SPINK5: variants seen among roughly 807,000 people sequenced by gnomAD.
SPINK5 encodes the protein serine peptidase inhibitor Kazal type 5.
A neutral mutation model predicts 151.8 loss-of-function variants in SPINK5; 125 were observed. The observed-to-expected ratio is 0.82, with a 90% CI of 0.71 to 0.96. SPINK5 has a LOEUF of 0.96. Among genes scored for constraint, SPINK5 ranks in the 40% least tolerant of loss-of-function variants. SPINK5 has a pLI of 0.00. For synonymous variants in SPINK5, 374 were observed against 395.3 expected, an observed-to-expected ratio of 0.95 and a Z score of 0.64; for missense variants, 1,194 against 1,291.9, an observed-to-expected ratio of 0.92 and a Z score of 1.16.
At chr5:148,094,641 C>G (rs1027818761) in intron 9 of SPINK5, among the ~76,000 whole-genome samples, 160 bp downstream of exon 9, 1 of 151,948 alleles carries the variant, frequency 6.6e-6, no homozygotes, top group Admixed American at 6.6e-5. Context: ...AGTGAGCAGG[C>G]ACTACTGATG....
chr5:148,077,921 A>G (rs1019655472), intron 4 of SPINK5, among the ~76,000 whole-genome samples: 2 of 151,182 alleles, frequency 1.3e-5, no homozygotes, highest in African/African-American at 4.8e-5. Flanking sequence ...ACAAAAGCAT[A>G]TTGAAAACAA....
At chr5:148,069,309 T>C (rs1752673046) in intron 2 of SPINK5, among the ~76,000 whole-genome samples, 1 of 151,932 alleles carries the variant, frequency 6.6e-6, no homozygotes, top group Non-Finnish European at 1.5e-5. Flanking sequence ...TTGAAGATCA[T>C]TCTACTTTCC....
Position 148,086,565 on chromosome 5 carries a change from A to G in SPINK5, c.410+33A>G, listed in dbSNP as rs753467836. On this transcript the variant is annotated intron_variant, in intron 5 of 32. Coordinates refer to ENST00000256084, the MANE Select transcript of SPINK5 (RefSeq NM_006846.4). ...TTCTCTGAAGTAGGCTTTCTCCCTA[A>G]AACGTGTTCTCTCTATAATTACATG... 8.7e-6 allele frequency: 14 copies of G among 1,607,426 alleles called. No homozygotes were observed. In the South Asian group the frequency reaches 1.5e-4, roughly 18 times the overall value.
intron 3 of SPINK5, 73 bp downstream of exon 3, chr5:148,070,523 T>G (rs1752710983): frequency 1.9e-6 from 3 of 1,578,796 alleles, no homozygotes; most frequent in East Asian, 2.3e-5. Context: ...AAATGTATTC[T>G]TTTTCTTTCA....
At position 148,094,346 on chromosome 5, in the gene SPINK5, T is replaced by C; in HGVS notation, c.667-8T>C. 1 of 1,611,886 alleles carries C rather than the reference T, an allele frequency of 6.2e-7. No homozygotes were observed. Among genetic ancestry groups the C allele is most frequent in the East Asian group, 2.2e-5 (1 of 44,806 alleles). On this transcript the variant is annotated splice_polypyrimidine_tract_variant and splice_region_variant and intron_variant, in intron 8 of 32. Transcript: ENST00000256084. Reference sequence around the variant, plus strand: ...TGAAGTAAAATAAATATAATTGTCTTTTCAAAGGATTTTTGCAAGGAATAT... The same window carrying C: ...TGAAGTAAAATAAATATAATTGTCTCTTCAAAGGATTTTTGCAAGGAATAT...
intron 31 of SPINK5, among the ~76,000 whole-genome samples, chr5:148,132,231 C>G (rs1165019484): frequency 1.3e-5 from 2 of 152,178 alleles, no homozygotes; most frequent in African/African-American, 4.8e-5. Context: ...ATTTGGCCAG[C>G]TTTCAAGGAG....
chr5:148,101,577 T>A, intron 14 of SPINK5, 141 bp downstream of exon 14: 1 of 1,006,868 alleles, frequency 9.9e-7, no homozygotes, highest in African/African-American at 1.6e-5. Flanking sequence ...ATGTGTGCAG[T>A]TATACATGTG....
intron 18 of SPINK5, among the ~76,000 whole-genome samples, chr5:148,111,453 G>A (rs1319548450): frequency 6.6e-6 from 1 of 152,142 alleles, no homozygotes; most frequent in Non-Finnish European, 1.5e-5. Context: ...CGTATTTGGT[G>A]GAACGGTATT....
intron 3 of SPINK5, 131 bp from the exon 4 acceptor site, chr5:148,072,017 A>G: frequency 1.3e-6 from 1 of 783,596 alleles, no homozygotes. Flanking sequence ...CCACTTCTGA[A>G]CATGCTACCA....
Position 148,064,089 on chromosome 5 carries a change from C to A in SPINK5, c.45C>A (p.Cys15Ter), listed in dbSNP as rs770450773. 1 of 1,614,122 alleles carries A rather than the reference C, an allele frequency of 6.2e-7. No homozygotes were observed. The change falls in exon 1 of 33, where the codon TGC becomes TGA. Residue 15 changes from cysteine (C) to a stop codon, truncating the protein, a stop_gained. Transcript: ENST00000256084. LOFTEE classifies it high-confidence loss of function. ...TVSVLLPLAL[C>*]LIQDAASKNE... ...CAGTGCTTCTGCCCTTGGCTCTTTGCCTCATACAAGGTGAGCAATTTGTGT... is the reference window on the plus strand; with the variant it reads ...CAGTGCTTCTGCCCTTGGCTCTTTGACTCATACAAGGTGAGCAATTTGTGT...
intron 4 of SPINK5, among the ~76,000 whole-genome samples, chr5:148,082,215 A>G (rs11950479): frequency 0.01 from 1,555 of 151,500 alleles, 33 homozygotes; most frequent in African/African-American, 0.036. Flanking sequence ...TCTGTTTTCT[A>G]TGGTGTTAAT....
chr5:148,075,996 C>A (rs1265313060), intron 4 of SPINK5, among the ~76,000 whole-genome samples: 1 of 151,764 alleles, frequency 6.6e-6, no homozygotes, highest in Non-Finnish European at 1.5e-5. Context: ...CCTGGCTGAG[C>A]CTTCACACGT....
At chr5:148,081,919 G>A (rs1360019372) in intron 4 of SPINK5, among the ~76,000 whole-genome samples, 1 of 151,626 alleles carries the variant, frequency 6.6e-6, no homozygotes, top group Non-Finnish European at 1.5e-5. Flanking sequence ...TTATTTTGGG[G>A]TGGGAATATC....
chr5:148,069,661 C>T (rs534110428), intron 2 of SPINK5, among the ~76,000 whole-genome samples: 2 of 151,888 alleles, frequency 1.3e-5, no homozygotes, highest in African/African-American at 2.4e-5. Flanking sequence ...TTTGAAAATG[C>T]AAAATGGTTA....
At chr5:148,065,156 A>C (rs1434649700) in intron 1 of SPINK5, among the ~76,000 whole-genome samples, 191 bp from the exon 2 acceptor site, 1 of 152,150 alleles carries the variant, frequency 6.6e-6, no homozygotes, top group East Asian at 1.9e-4. Flanking sequence ...TTGTGAGTAT[A>C]TATACTAATC....
chr5:148,081,391 TAAAC>T (rs1260645122), intron 4 of SPINK5, among the ~76,000 whole-genome samples: 10 of 151,730 alleles, frequency 6.6e-5, no homozygotes, highest in Non-Finnish European at 1.5e-4. Flanking sequence ...GGTGAATTGA[TAAAC>T]AAAAGGAATA....
chr5:148,069,787 A>G (rs1752690766), intron 2 of SPINK5, among the ~76,000 whole-genome samples: 1 of 152,128 alleles, frequency 6.6e-6, no homozygotes, highest in African/African-American at 2.4e-5. Flanking sequence ...TTATCAAGGG[A>G]CATGAAGTTC....
chr5:148,079,223 A>G (rs536546335), intron 4 of SPINK5, among the ~76,000 whole-genome samples: 2 of 151,320 alleles, frequency 1.3e-5, no homozygotes, highest in East Asian at 2.0e-4. Context: ...AATTGACCCA[A>G]GAAGAAATGG....
In SPINK5 at chr5:148,101,882, C is replaced by T; in HGVS notation, c.1404C>T (p.Asn468=). 6.2e-7 allele frequency: 1 copy of T among 1,613,744 alleles called. No homozygotes were observed. The highest frequency in any genetic ancestry group is 8.5e-7 in the Non-Finnish European group (1 of 1,179,734). ...IQGPDGKMHG[N]TCSMCEAFFQ... ...GCCCAGATGGAAAAATGCATGGCAA[C>T]ACCTGCTCCATGTGTGAGGCCTTCT... The change falls in exon 15 of 33, where the codon AAC becomes AAT. Residue 468 remains asparagine (N), a synonymous_variant. Coordinates refer to ENST00000256084, the MANE Select transcript of SPINK5 (RefSeq NM_006846.4).
Sources: allele counts gnomAD v4.1 joint callset (sites outside exome capture counted in the v4.1 genomes callset), GRCh38; gene constraint gnomAD v4.1.1; transcripts MANE v1.5; gene names NCBI Gene and HGNC (gene_info 2026-07-23, HGNC 2026-07-21).